LGSN: variants seen among roughly 807,000 people sequenced by gnomAD.
LGSN encodes lengsin, lens protein with glutamine synthetase domain.
A neutral mutation model predicts 19.5 loss-of-function variants in LGSN; 21 were observed. The ratio of observed to expected loss-of-function variants is 1.07; its 90% CI spans 0.76 to 1.55. The LOEUF (loss-of-function observed/expected upper bound fraction) is 1.55. Among genes scored for constraint, LGSN ranks in the 40% most tolerant of loss-of-function variants. LGSN has a pLI of 0.00. For missense variants in LGSN, 673 were observed against 608.5 expected (o/e 1.11, Z -1.12); for synonymous variants, 257 against 215.6 (o/e 1.19, Z -1.68).
the LGSN span, among the ~76,000 whole-genome samples, chr6:63,559,994 G>A: frequency 5.9e-5 from 9 of 152,156 alleles, no homozygotes; most frequent in Non-Finnish European, 1.5e-5. Context: ...TATTGTGGAA[G>A]ATCACGGAAT....
rs183201405 is a variant in LGSN, at chr6:63,284,851, A to G, written c.330+736T>C. 5.8e-3 allele frequency among the ~76,000 whole-genome samples: 889 copies of G among 152,294 alleles called. 26 individuals carry two copies. The highest frequency in any genetic ancestry group is 9.6e-4 in the East Asian group (5 of 5,194). The stretch of plus-strand genomic sequence containing the variant: ...TTCCCCAACATGAAACAAATTTAAA[A>G]ATTAGAATCTGATGTTAATGTGATA... On this transcript the variant is annotated intron_variant, in intron 3 of 3. Transcript: ENST00000370657.
chr6:63,320,925 A>G (rs565828606), upstream of LGSN, among the ~76,000 whole-genome samples: 34 of 152,282 alleles, frequency 2.2e-4, no homozygotes, highest in Middle Eastern at 3.4e-3. Flanking sequence ...GTGATTAACT[A>G]TTCCTATTTC....
the LGSN span, among the ~76,000 whole-genome samples, chr6:63,397,656 C>CT: frequency 6.6e-6 from 1 of 152,192 alleles, no homozygotes; most frequent in South Asian, 2.1e-4. Context: ...TGGCTCACAC[C>CT]TGTAATCCCA....
At chr6:63,421,643 G>T in the LGSN span, among the ~76,000 whole-genome samples, 10 of 151,700 alleles carry the variant, frequency 6.6e-5, no homozygotes, top group African/African-American at 2.4e-4. Context: ...CAAGAGAATC[G>T]CTTAAACCCG....
the LGSN span, among the ~76,000 whole-genome samples, chr6:63,375,430 A>C: frequency 2.0e-5 from 3 of 148,274 alleles, no homozygotes; most frequent in African/African-American, 7.8e-5. Context: ...TATAGCAATT[A>C]TGATCTTTCT....
At chr6:63,389,707 A>G in the LGSN span, among the ~76,000 whole-genome samples, 1 of 152,224 alleles carries the variant, frequency 6.6e-6, no homozygotes, top group South Asian at 2.1e-4. Context: ...CCAGTGAGTA[A>G]ACCAAACCAT....
the LGSN span, among the ~76,000 whole-genome samples, chr6:63,491,393 T>G: frequency 6.6e-6 from 1 of 152,090 alleles, no homozygotes; most frequent in Non-Finnish European, 1.5e-5. Flanking sequence ...CTGCGTAAGC[T>G]GGAAGACCCT....
chr6:63,305,024 G>A (rs1190947301), intron 1 of LGSN, among the ~76,000 whole-genome samples: 1 of 152,090 alleles, frequency 6.6e-6, no homozygotes, highest in Admixed American at 6.5e-5. Flanking sequence ...CATTGTTCTG[G>A]ACTGAACTCT....
chr6:63,293,143 GC>G (rs1767841158), intron 2 of LGSN, among the ~76,000 whole-genome samples: 1 of 152,046 alleles, frequency 6.6e-6, no homozygotes, highest in Non-Finnish European at 1.5e-5. Flanking sequence ...AGGACCACAG[GC>G]ATCTGCCACC....
the LGSN span, among the ~76,000 whole-genome samples, chr6:63,472,662 CG>C: frequency 6.6e-6 from 1 of 152,134 alleles, no homozygotes; most frequent in African/African-American, 2.4e-5. Flanking sequence ...CAATTCGGGC[CG>C]GGCGCGGTGG....
chr6:63,406,214 C>A, the LGSN span, among the ~76,000 whole-genome samples: 1 of 152,170 alleles, frequency 6.6e-6, no homozygotes, highest in Non-Finnish European at 1.5e-5. Context: ...CCCAAATCAA[C>A]AGAATATACA....
chr6:63,484,878 C>T, the LGSN span, among the ~76,000 whole-genome samples: 2 of 152,286 alleles, frequency 1.3e-5, no homozygotes, highest in African/African-American at 4.8e-5. Flanking sequence ...ATGTTAGAAC[C>T]AAAGTGCTAA....
chr6:63,505,585 G>GAAATAAATAAATAAAT, the LGSN span, among the ~76,000 whole-genome samples: 2 of 96,252 alleles, frequency 2.1e-5, no homozygotes, highest in African/African-American at 6.2e-5. Flanking sequence ...AAGAAAGAAA[G>GAAATAAATAAATAAAT]AAAGAAAGAA....
intron 3 of LGSN, 66 bp from the exon 4 acceptor site, chr6:63,281,286 G>A (rs2127381122): frequency 1.1e-6 from 1 of 934,598 alleles, no homozygotes; most frequent in Non-Finnish European, 1.4e-6. Flanking sequence ...GGGGCGGCGG[G>A]AAAGCCTTGC....
At chr6:63,314,849 T>C (rs1363007987) in intron 1 of LGSN, among the ~76,000 whole-genome samples, 4 of 150,774 alleles carry the variant, frequency 2.7e-5, no homozygotes, top group Admixed American at 2.6e-4. Flanking sequence ...GAATTGGAGG[T>C]TTTAAAGTTT....
At chr6:63,289,200 C>A (rs924934557) in intron 2 of LGSN, among the ~76,000 whole-genome samples, 1 of 152,170 alleles carries the variant, frequency 6.6e-6, no homozygotes, top group Non-Finnish European at 1.5e-5. Flanking sequence ...ATGAATACAT[C>A]CTGTGTGATT....
rs556744484 is a variant in LGSN at position 63,280,915 on chromosome 6, A to G, written c.636T>C (p.Ile212=). The G allele has an allele frequency of 4.3e-5, 69 of 1,614,116 alleles. 1 individual carries two copies. In the South Asian group the frequency reaches 6.6e-4, roughly 15 times the overall value. ...LLSAFIYDFC[I]FGVPEILNSK... The stretch of plus-strand genomic sequence containing the variant: ...AATTTAAAATTTCGGGCACACCAAA[A>G]ATGCAAAAATCATAGATGAAAGCAG... The change falls in exon 4 of 4, where the codon ATT becomes ATC. Residue 212 remains isoleucine, a synonymous_variant. Coordinates refer to ENST00000370657, the MANE Select transcript of LGSN (RefSeq NM_016571.3).
chr6:63,320,143 A>G (rs1226405436), upstream of LGSN, among the ~76,000 whole-genome samples: 2 of 152,222 alleles, frequency 1.3e-5, no homozygotes, highest in East Asian at 1.9e-4. Flanking sequence ...CTGGAAATGC[A>G]CTAGAAGAAT....
the LGSN span, among the ~76,000 whole-genome samples, chr6:63,568,644 A>C: frequency 2.0e-5 from 3 of 151,404 alleles, no homozygotes; most frequent in Admixed American, 2.0e-4. Context: ...AGCTGTCACA[A>C]ACCATCATTT....
Sources: allele counts gnomAD v4.1 joint callset (sites outside exome capture counted in the v4.1 genomes callset), GRCh38; gene constraint gnomAD v4.1.1; transcripts MANE v1.5; gene names NCBI Gene and HGNC (gene_info 2026-07-23, HGNC 2026-07-21).